Variants in C2CD5 observed in about 807,000 individuals in gnomAD.
C2CD5 encodes C2 domain-containing protein 5.
Under a neutral mutation model 130.3 loss-of-function variants are expected in C2CD5, and 109 were observed. That is an observed-to-expected ratio of 0.84 (90% CI 0.72 to 0.98). The LOEUF (loss-of-function observed/expected upper bound fraction) is 0.98. Ranked by LOEUF, C2CD5 falls within the 50% of genes least tolerant of loss-of-function variation. C2CD5 has a pLI of 0.00. For missense variants in C2CD5, 996 were observed against 1,261.8 expected, an observed-to-expected ratio of 0.79 and a Z score of 3.19; for synonymous variants, 454 against 429.2, an observed-to-expected ratio of 1.06 and a Z score of -0.71.
intron 10 of C2CD5, among the ~76,000 whole-genome samples, chr12:22,504,302 T>C (rs1204531198): frequency 6.8e-6 from 1 of 146,328 alleles, no homozygotes; most frequent in African/African-American, 2.8e-5. Context: ...ATGTTTTTTT[T>C]TCTTTTTTTT....
chr12:22,487,082 G>C (rs2136373868), intron 12 of C2CD5, among the ~76,000 whole-genome samples: 1 of 152,166 alleles, frequency 6.6e-6, no homozygotes, highest in East Asian at 1.9e-4. Context: ...TTAAATGTTA[G>C]ACCTAAAACC....
chr12:22,482,444 C>A, intron 14 of C2CD5, 113 bp downstream of exon 14: 1 of 843,734 alleles, frequency 1.2e-6, no homozygotes, highest in Non-Finnish European at 1.9e-6. Context: ...CCATAAAGGT[C>A]TTAATGTCAA....
chr12:22,531,003 G>A (rs753129301), intron 3 of C2CD5, among the ~76,000 whole-genome samples: 5 of 151,804 alleles, frequency 3.3e-5, no homozygotes, highest in African/African-American at 7.3e-5. Context: ...AAAACTATTC[G>A]TTTTTAACCA....
chr12:22,490,060 G>GA (rs923641139), intron 12 of C2CD5, 63 bp downstream of exon 12: 4 of 1,226,412 alleles, frequency 3.3e-6, no homozygotes, highest in African/African-American at 3.0e-5. Context: ...CCAACTCTCA[G>GA]AAAAAAAGTC....
intron 22 of C2CD5, among the ~76,000 whole-genome samples, chr12:22,468,146 C>T (rs1190596755): frequency 6.6e-6 from 1 of 150,938 alleles, no homozygotes; most frequent in Non-Finnish European, 1.5e-5. Context: ...TGGAACTAAC[C>T]CTGAATAAAT....
intron 4 of C2CD5, among the ~76,000 whole-genome samples, chr12:22,526,945 A>G (rs189954182): frequency 1.3e-5 from 2 of 152,314 alleles, no homozygotes; most frequent in Admixed American, 6.5e-5. Context: ...CTTGAGCTCT[A>G]GAGTTAAGGC....
chr12:22,485,266 A>C (rs977626699), intron 12 of C2CD5, among the ~76,000 whole-genome samples: 1 of 152,086 alleles, frequency 6.6e-6, no homozygotes, highest in Admixed American at 6.6e-5. Flanking sequence ...ACCACAAAAA[A>C]AATTCCCAAA....
intron 3 of C2CD5, among the ~76,000 whole-genome samples, chr12:22,530,320 CTGAA>C: frequency 6.7e-6 from 1 of 149,032 alleles, no homozygotes; most frequent in East Asian, 2.0e-4. Context: ...ATATATATAA[CTGAA>C]TGCAATTAAC....
At position 22,459,491 on chromosome 12, in the gene C2CD5, C is replaced by T; in HGVS notation, c.2584+1G>A. ...CTATTTGCTTAATTAGACAAACTCA[C>T]CTCTCTGTGCAGCTGGTATACCTGA... is the stretch of plus-strand genomic sequence containing the variant. On this transcript the variant is annotated splice_donor_variant, in intron 23 of 26. Coordinates refer to ENST00000446597, the MANE Select transcript of C2CD5 (RefSeq NM_001286176.2). LOFTEE classifies it high-confidence loss of function. The T allele has an allele frequency of 6.5e-7, 1 of 1,527,698 alleles. No homozygotes were observed. Among genetic ancestry groups the T allele is most frequent in the Non-Finnish European group, 8.8e-7 (1 of 1,139,434 alleles). The allele number at this position is 1,527,698 out of a possible 1,614,324, so 94.6% of individuals were successfully genotyped here. A position where few individuals can be genotyped will look rare whatever the true frequency, so the allele number is the denominator to read the frequency against.
chr12:22,482,586 C>T lies in C2CD5; in HGVS notation c.1708G>A (p.Val570Met). The change falls in exon 14 of 27, where the codon GTG becomes ATG. Residue 570 changes from valine to methionine, a missense_variant. This residue lies in a region of C2CD5 where 590 missense variants were observed against 631.4 expected (regional missense o/e 0.93). Transcript: ENST00000446597. The part of the protein sequence containing the change: ...ALFGLRIQIT[V>M]GENMLMGLAS... ...AAGCCCATCAACATATTTTCACCCA[C>T]TGTGATCTGAATTCTTAGTCCAAAC... is the stretch of plus-strand genomic sequence containing the variant. 3.1e-6 allele frequency: 5 copies of T among 1,613,834 alleles called. No homozygotes were observed. Among genetic ancestry groups the T allele is most frequent in the Non-Finnish European group, 4.2e-6 (5 of 1,179,860 alleles).
chr12:22,492,848 C>T (rs980396494), intron 11 of C2CD5, among the ~76,000 whole-genome samples: 1 of 152,094 alleles, frequency 6.6e-6, no homozygotes, highest in African/African-American at 2.4e-5. Context: ...AATTCGTTTA[C>T]AGTAGATCAA....
intron 10 of C2CD5, among the ~76,000 whole-genome samples, chr12:22,503,291 T>G (rs1182741557): frequency 6.6e-6 from 1 of 152,130 alleles, no homozygotes; most frequent in Non-Finnish European, 1.5e-5. Context: ...CATCGTTAAG[T>G]CTCCCTCAGC....
rs987039240 is a variant in C2CD5, at chr12:22,505,731, T to C, written c.1147+980A>G. Reference sequence around the variant, plus strand: ...TTCTGATCAAAGGGCCTGAATCCAGTGGGACTTTGATGCCTACTCGCTTTT... The same window carrying C: ...TTCTGATCAAAGGGCCTGAATCCAGCGGGACTTTGATGCCTACTCGCTTTT... On this transcript the variant is annotated intron_variant, in intron 10 of 26. Transcript: ENST00000446597. Among the ~76,000 whole-genome samples the C allele has an allele frequency of 2.0e-5, 3 of 152,266 alleles. No individual in the cohort carries two copies. In the East Asian group the frequency reaches 5.8e-4, roughly 29 times the overall value.
rs553565045 is a variant in C2CD5 at position 22,497,547 on chromosome 12, C to T, written c.1148-4210G>A. The T allele has an allele frequency of 2.0e-5, 14 of 705,654 alleles. No homozygotes were observed. In the South Asian group the frequency reaches 3.2e-4, roughly 16 times the overall value. The allele number at this position is 705,654 out of a possible 1,614,324, so 43.7% of individuals were successfully genotyped here. ...ATACAATGATAATCTATCATGTTAA[C>T]GGACAGTATAAAAAGCTATATTCCC... On this transcript the variant is annotated intron_variant, in intron 10 of 26. Transcript: ENST00000446597.
intron 9 of C2CD5, among the ~76,000 whole-genome samples, chr12:22,512,897 A>C (rs1949346481): frequency 6.6e-6 from 1 of 152,020 alleles, no homozygotes; most frequent in Admixed American, 6.5e-5. Context: ...CAATGATAAA[A>C]GTAATCTCAG....
chr12:22,492,846 T>C (rs1482206924), intron 11 of C2CD5, among the ~76,000 whole-genome samples: 1 of 152,170 alleles, frequency 6.6e-6, no homozygotes, highest in Non-Finnish European at 1.5e-5. Flanking sequence ...GCAATTCGTT[T>C]ACAGTAGATC....
chr12:22,498,783 A>G (rs1565734021), intron 10 of C2CD5, among the ~76,000 whole-genome samples: 1 of 152,184 alleles, frequency 6.6e-6, no homozygotes, highest in Non-Finnish European at 1.5e-5. Flanking sequence ...GGTGTTAAAC[A>G]CTTGTTTTAC....
intron 26 of C2CD5, among the ~76,000 whole-genome samples, chr12:22,452,299 C>T (rs746762145): frequency 6.6e-6 from 1 of 152,144 alleles, no homozygotes; most frequent in Admixed American, 6.6e-5. Context: ...TCAGGATGTG[C>T]CTGGTTTCCA....
At chr12:22,540,308 T>A (rs1952239143) in intron 2 of C2CD5, among the ~76,000 whole-genome samples, 1 of 152,204 alleles carries the variant, frequency 6.6e-6, no homozygotes, top group African/African-American at 2.4e-5. Context: ...ATATTATTCT[T>A]AAGTAATTTT....
Sources: gnomAD v4.1 joint callset for allele counts (sites outside exome capture counted in the v4.1 genomes callset) on GRCh38, gnomAD v4.1.1 for gene constraint, gnomAD v4.1.1 regional missense constraint, MANE v1.5 for transcripts, NCBI Gene and HGNC (gene_info 2026-07-23, HGNC 2026-07-21) for gene names.